TIAM1: variants seen among roughly 807,000 people sequenced by gnomAD.
The protein encoded by TIAM1 is rho guanine nucleotide exchange factor TIAM1.
A neutral mutation model predicts 163.5 loss-of-function variants in TIAM1; 65 were observed. The ratio of observed to expected loss-of-function variants is 0.40; its 90% confidence interval spans 0.33 to 0.49. The LOEUF (loss-of-function observed/expected upper bound fraction) is 0.49, where lower values mean the gene tolerates loss of function less well. TIAM1 is among the 20% of genes least tolerant of loss of function. TIAM1 has a pLI of 0.77. For synonymous variants in TIAM1, 833 were observed against 810.1 expected, an observed-to-expected ratio of 1.03 and a Z score of -0.48; for missense variants, 1,789 against 2,044.7, an observed-to-expected ratio of 0.87 and a Z score of 2.41.
chr21:31,513,387 A>G (rs1190016098), intron 1 of TIAM1, among the ~76,000 whole-genome samples: 1 of 152,066 alleles, frequency 6.6e-6, no homozygotes, highest in Non-Finnish European at 1.5e-5. Context: ...TTCTTCATCA[A>G]TTTTCTCACT....
intron 1 of TIAM1, among the ~76,000 whole-genome samples, chr21:31,510,433 A>G (rs2047174775): frequency 1.3e-5 from 2 of 152,210 alleles, no homozygotes; most frequent in African/African-American, 4.8e-5. Flanking sequence ...CTCCAAATAC[A>G]ATCACATTCT....
intron 1 of TIAM1, among the ~76,000 whole-genome samples, chr21:31,556,289 C>G (rs2048875921): frequency 6.6e-6 from 1 of 152,194 alleles, no homozygotes; most frequent in Non-Finnish European, 1.5e-5. Flanking sequence ...CGTTCCACAT[C>G]AACAGCCGAA....
chr21:31,259,633 A>AATAATG (rs1347241442), intron 4 of TIAM1, among the ~76,000 whole-genome samples: 1 of 149,350 alleles, frequency 6.7e-6, no homozygotes, highest in Non-Finnish European at 1.5e-5. Context: ...AAAATAAAAT[A>AATAATG]ATAATAATAA....
chr21:31,337,627 G>A (rs761748187), intron 2 of TIAM1, among the ~76,000 whole-genome samples: 1 of 151,632 alleles, frequency 6.6e-6, no homozygotes, highest in Non-Finnish European at 1.5e-5. Context: ...CACCTCCTGG[G>A]TTCAAGCAAT....
In TIAM1 at chr21:31,414,380, G is replaced by T. The variant is rs555385726; in HGVS notation, c.-369+49603C>A. 5.9e-5 allele frequency among the ~76,000 whole-genome samples: 9 copies of T among 152,208 alleles called. No individual in the cohort carries two copies. In the East Asian group the frequency reaches 7.7e-4, roughly 13 times the overall value. On this transcript the variant is annotated intron_variant, in intron 2 of 28. Coordinates refer to the TIAM1 transcript ENST00000286827. Reference sequence around the variant, plus strand: ...AAGCGAAGCTGTCCTTTTTCTTCTCGAATCTAACAGTGAAGAATCCCAAAG... The same window carrying T: ...AAGCGAAGCTGTCCTTTTTCTTCTCTAATCTAACAGTGAAGAATCCCAAAG...
intron 19 of TIAM1, among the ~76,000 whole-genome samples, chr21:31,151,234 G>A (rs1232116899): frequency 6.6e-6 from 1 of 152,156 alleles, no homozygotes; most frequent in Non-Finnish European, 1.5e-5. Flanking sequence ...AGAGAAATGA[G>A]AGCATATATC....
At chr21:31,185,608 ATAT>A (rs893695663) in intron 14 of TIAM1, among the ~76,000 whole-genome samples, 7 of 144,658 alleles carry the variant, frequency 4.8e-5, no homozygotes, top group East Asian at 2.0e-4. Context: ...ATATAGCTAT[ATAT>A]TATATTAATA....
At chr21:31,441,609 G>T (rs1361150876) in intron 2 of TIAM1, among the ~76,000 whole-genome samples, 1 of 152,148 alleles carries the variant, frequency 6.6e-6, no homozygotes, top group Non-Finnish European at 1.5e-5. Flanking sequence ...CTTTTGTTGG[G>T]TTAAGCCACT....
Position 31,154,395 on chromosome 21 carries a change from C to G in TIAM1, c.3023G>C (p.Ser1008Thr), listed in dbSNP as rs1361538524. ...GTCAGAGGGGTTCATCTCATGCAAA[C>G]TGCGGCAAAATGCGGCCACCTGTTC... ...STEQVAAFCR[S>T]LHEMNPSDQS... is the part of the protein sequence containing the mutation. Residue 1008 changes from serine to threonine, a missense_variant, in exon 17 of 28, where the codon AGT becomes ACT. Coordinates refer to ENST00000541036, the MANE Select transcript of TIAM1 (RefSeq NM_001353694.2). 6.2e-7 allele frequency: 1 copy of G among 1,613,964 alleles called. No homozygotes were observed. Among genetic ancestry groups the G allele is most frequent in the Non-Finnish European group, 8.5e-7 (1 of 1,180,020 alleles).
chr21:31,214,114 C>T (rs1357283164), intron 9 of TIAM1, among the ~76,000 whole-genome samples: 2 of 151,902 alleles, frequency 1.3e-5, no homozygotes, highest in African/African-American at 2.4e-5. Flanking sequence ...TGCTCCAGCC[C>T]AGGAGTTTGA....
At chr21:31,375,113 G>A (rs915949523) in intron 2 of TIAM1, among the ~76,000 whole-genome samples, 1 of 152,114 alleles carries the variant, frequency 6.6e-6, no homozygotes, top group South Asian at 2.1e-4. Context: ...ACCCACTTTT[G>A]AACTCTTAAT....
intron 2 of TIAM1, among the ~76,000 whole-genome samples, chr21:31,384,329 C>T (rs769375826): frequency 6.9e-6 from 1 of 145,402 alleles, no homozygotes; most frequent in South Asian, 2.2e-4. Flanking sequence ...CCCTGGGAGG[C>T]CAAAGCAGAA....
chr21:31,192,482 T>C (rs977717581), intron 13 of TIAM1, among the ~76,000 whole-genome samples: 2 of 152,116 alleles, frequency 1.3e-5, no homozygotes, highest in East Asian at 1.9e-4. Context: ...CCAGGCATGG[T>C]GGCACACGCC....
chr21:31,133,815 A>T (rs1190415109), intron 23 of TIAM1, among the ~76,000 whole-genome samples: 1 of 152,220 alleles, frequency 6.6e-6, no homozygotes, highest in Non-Finnish European at 1.5e-5. Context: ...CATACCTGTA[A>T]TCCCAGCACT....
chr21:31,277,200 C>G (rs1055038200), intron 2 of TIAM1, among the ~76,000 whole-genome samples: 3 of 152,162 alleles, frequency 2.0e-5, no homozygotes, highest in African/African-American at 7.2e-5. Flanking sequence ...GCTGATAAAA[C>G]AGATTGCAGT....
At chr21:31,468,799 G>A (rs140126827) in intron 1 of TIAM1, among the ~76,000 whole-genome samples, 129 of 152,126 alleles carry the variant, frequency 8.5e-4, no homozygotes, top group African/African-American at 3.0e-3. Context: ...CTAGAAGGGC[G>A]ACGTGCTAAA....
chr21:31,232,307 C>T (rs1002128298), intron 6 of TIAM1, among the ~76,000 whole-genome samples: 4 of 152,140 alleles, frequency 2.6e-5, no homozygotes, highest in Non-Finnish European at 4.4e-5. Context: ...CTGTCAATGG[C>T]TGAAGGCAGT....
Position 31,251,942 on chromosome 21 carries a change from G to T in TIAM1, c.1211C>A (p.Ala404Asp), listed in dbSNP as rs1569108076. 2 of 1,613,896 alleles carry T rather than the reference G, an allele frequency of 1.2e-6. No homozygotes were observed. The highest frequency in any genetic ancestry group is 2.2e-5 in the South Asian group (2 of 91,076). ...CTGCTCATCGCTGTGCGCCGAGCCG[G>T]CCTCCTCCAGGCTCTCGCTGTTGGT... is the stretch of plus-strand genomic sequence containing the variant. ...STTNSESLEEAGSAHSDEQSS... is the reference protein window; with the variant it reads ...STTNSESLEEDGSAHSDEQSS... Residue 404 changes from alanine (A) to aspartate (D), a missense_variant, in exon 5 of 28, where the codon GCC becomes GAC. Coordinates refer to ENST00000541036, the MANE Select transcript of TIAM1 (RefSeq NM_001353694.2).
intron 2 of TIAM1, among the ~76,000 whole-genome samples, chr21:31,319,132 G>C (rs1274730961): frequency 6.6e-6 from 1 of 152,078 alleles, no homozygotes; most frequent in Non-Finnish European, 1.5e-5. Context: ...CAGCATAAAG[G>C]TTGCCAGGCC....
Sources: allele counts gnomAD v4.1 joint callset (sites outside exome capture counted in the v4.1 genomes callset), GRCh38; gene constraint gnomAD v4.1.1; transcripts MANE v1.5; gene names NCBI Gene and HGNC (gene_info 2026-07-23, HGNC 2026-07-21).